The following RBFOX1 variants were observed in gnomAD, a reference collection of about 807,000 sequenced individuals.
RBFOX1 encodes RNA binding fox-1 homolog 1.
A neutral mutation model predicts 57.7 loss-of-function variants in RBFOX1; 8 were observed. The ratio of observed to expected loss-of-function variants is 0.14; its 90% CI spans 0.08 to 0.25. RBFOX1 has a LOEUF of 0.25. RBFOX1 is among the 10% of genes least tolerant of loss of function. The probability of loss-of-function intolerance (pLI) is 1.00; values close to 1 mark genes in which losing one functional copy is unlikely to be tolerated. For missense variants in RBFOX1, 611 were observed against 548.5 expected (o/e 1.11, Z -1.14); for synonymous variants, 326 against 222.4 (o/e 1.47, Z -4.15).
At chr16:5,314,533 C>G (rs1410071646) in intron 1 of RBFOX1, among the ~76,000 whole-genome samples, 1 of 152,200 alleles carries the variant, frequency 6.6e-6, no homozygotes, top group African/African-American at 2.4e-5. Flanking sequence ...CTGGATCTCA[C>G]TCTGTTGCCC....
At position 7,043,089 on chromosome 16, in the gene RBFOX1, C is replaced by T. The variant is rs532693744; in HGVS notation, c.-15-8968C>T. On this transcript the variant is annotated intron_variant, in intron 3 of 15. Coordinates refer to ENST00000550418, the MANE Select transcript of RBFOX1 (RefSeq NM_018723.4). Reference sequence around the variant, plus strand: ...ATCCTGCTTTTGACTGTGCCATTCACGGTATCTTGTTTCTGTATCCTTGGG... The same window carrying T: ...ATCCTGCTTTTGACTGTGCCATTCATGGTATCTTGTTTCTGTATCCTTGGG... 3.3e-3 allele frequency among the ~76,000 whole-genome samples: 436 copies of T among 130,558 alleles called. 6 individuals are homozygous for T. Among genetic ancestry groups the T allele is most frequent in the East Asian group, 0.025 (92 of 3,700 alleles). 85.7% of individuals were successfully genotyped at this position (130,558 alleles called of 152,430 possible).
chr16:7,508,797 A>T (rs1383312145), intron 4 of RBFOX1, among the ~76,000 whole-genome samples: 1 of 152,126 alleles, frequency 6.6e-6, no homozygotes, highest in Non-Finnish European at 1.5e-5. Flanking sequence ...CTCCTCTGTT[A>T]TACAATTTAA....
intron 3 of RBFOX1, among the ~76,000 whole-genome samples, chr16:5,840,491 A>T (rs2056592373): frequency 1.3e-5 from 2 of 152,034 alleles, no homozygotes; most frequent in African/African-American, 4.8e-5. Flanking sequence ...CTGGCTCTAC[A>T]CCTCTCCTGT....
chr16:6,029,031 A>C (rs2095248069), intron 1 of RBFOX1, among the ~76,000 whole-genome samples: 1 of 152,166 alleles, frequency 6.6e-6, no homozygotes. Flanking sequence ...AAGGATGGCT[A>C]CCTGGGAGTG....
chr16:7,613,234 A>G (rs1279155013), intron 10 of RBFOX1, among the ~76,000 whole-genome samples: 1 of 152,182 alleles, frequency 6.6e-6, no homozygotes, highest in East Asian at 1.9e-4. Flanking sequence ...TACTCCTGAA[A>G]AGAACAATTT....
At chr16:5,533,685 T>C (rs1359112420) in intron 2 of RBFOX1, among the ~76,000 whole-genome samples, 1 of 152,162 alleles carries the variant, frequency 6.6e-6, no homozygotes, top group Non-Finnish European at 1.5e-5. Flanking sequence ...ATTCTGGGAA[T>C]CAATTAGATT....
chr16:6,249,594 A>G (rs1429733442), intron 1 of RBFOX1, among the ~76,000 whole-genome samples: 1 of 152,118 alleles, frequency 6.6e-6, no homozygotes, highest in South Asian at 2.1e-4. Flanking sequence ...GAAAGCAGCC[A>G]GCATAGGTAG....
At chr16:7,353,993 A>G (rs1324213983) in intron 4 of RBFOX1, among the ~76,000 whole-genome samples, 3 of 151,946 alleles carry the variant, frequency 2.0e-5, no homozygotes, top group African/African-American at 7.3e-5. Flanking sequence ...TTTTTTGGAG[A>G]CAGACTCTTG....
intron 8 of RBFOX1, among the ~76,000 whole-genome samples, chr16:7,596,340 A>G (rs976491629): frequency 1.3e-5 from 2 of 151,888 alleles, no homozygotes; most frequent in East Asian, 1.9e-4. Context: ...ATCTCCCGCA[A>G]CATAGCCACA....
At chr16:6,366,729 C>A (rs1349099383) in intron 2 of RBFOX1, among the ~76,000 whole-genome samples, 1 of 152,168 alleles carries the variant, frequency 6.6e-6, no homozygotes, top group African/African-American at 2.4e-5. Flanking sequence ...ACAGAGGAGG[C>A]AACTGAGTCA....
chr16:7,339,439 T>A (rs1008755513), intron 4 of RBFOX1, among the ~76,000 whole-genome samples: 16 of 152,086 alleles, frequency 1.1e-4, no homozygotes, highest in African/African-American at 3.9e-4. Context: ...GGAAAGATAT[T>A]TATGTATTAT....
intron 4 of RBFOX1, among the ~76,000 whole-genome samples, chr16:7,073,869 A>G (rs1237815748): frequency 6.6e-6 from 1 of 151,248 alleles, no homozygotes; most frequent in Non-Finnish European, 1.5e-5. Context: ...AAAAATAACA[A>G]ATAAATAAAT....
intron 2 of RBFOX1, among the ~76,000 whole-genome samples, chr16:5,511,910 A>G (rs774980700): frequency 1.1e-4 from 16 of 152,228 alleles, no homozygotes; most frequent in Non-Finnish European, 2.2e-4. Flanking sequence ...ACCAGATATT[A>G]AAGCTTATGA....
chr16:5,688,853 C>A (rs73516374), intron 3 of RBFOX1, among the ~76,000 whole-genome samples: 5,447 of 152,228 alleles, frequency 0.036, 314 homozygotes, highest in African/African-American at 0.12. Flanking sequence ...TCAACGTTTG[C>A]CAGGACTCTC....
chr16:5,671,590 G>T (rs980954450), intron 3 of RBFOX1, among the ~76,000 whole-genome samples: 28 of 152,200 alleles, frequency 1.8e-4, no homozygotes, highest in African/African-American at 6.5e-4. Context: ...GGAGCATTTA[G>T]TGGTAATTAT....
intron 3 of RBFOX1, among the ~76,000 whole-genome samples, chr16:6,826,319 C>G (rs1463450662): frequency 6.6e-6 from 1 of 152,120 alleles, no homozygotes; most frequent in Non-Finnish European, 1.5e-5. Context: ...TCAAGACCAG[C>G]CTAGGCAACA....
At chr16:5,639,215 A>G (rs901041322) in intron 3 of RBFOX1, among the ~76,000 whole-genome samples, 10 of 152,216 alleles carry the variant, frequency 6.6e-5, no homozygotes, top group Admixed American at 1.3e-4. Context: ...AATTGTGTGC[A>G]CACATTTCAT....
intron 1 of RBFOX1, among the ~76,000 whole-genome samples, chr16:6,081,697 A>T (rs2096004296): frequency 6.6e-6 from 1 of 152,186 alleles, no homozygotes; most frequent in Non-Finnish European, 1.5e-5. Flanking sequence ...CTTTTAAATG[A>T]AAGTTGAGCT....
chr16:5,989,912 C>T (rs1437513952), intron 4 of RBFOX1, among the ~76,000 whole-genome samples: 1 of 138,676 alleles, frequency 7.2e-6, no homozygotes, highest in Non-Finnish European at 1.6e-5. Flanking sequence ...AGTAACCACC[C>T]AGGTTGGTCT....
Sources: gnomAD v4.1 joint callset for allele counts (sites outside exome capture counted in the v4.1 genomes callset) on GRCh38, gnomAD v4.1.1 for gene constraint, MANE v1.5 for transcripts, NCBI Gene and HGNC (gene_info 2026-07-23, HGNC 2026-07-21) for gene names.